TOX: variants seen among roughly 807,000 people sequenced by gnomAD.
TOX encodes thymocyte selection associated high mobility group box.
A neutral mutation model predicts 53.7 loss-of-function variants in TOX; 11 were observed. The ratio of observed to expected loss-of-function variants is 0.20; its 90% confidence interval spans 0.13 to 0.34. The LOEUF (loss-of-function observed/expected upper bound fraction) is 0.34, where lower values mean the gene tolerates loss of function less well. Ranked by LOEUF, TOX falls within the 10% of genes least tolerant of loss-of-function variation. The pLI, the probability that TOX is intolerant of heterozygous loss-of-function variation, is 1.00. For synonymous variants in TOX, 225 were observed against 245.3 expected, an observed-to-expected ratio of 0.92 and a Z score of 0.77; for missense variants, 570 against 664.6, an observed-to-expected ratio of 0.86 and a Z score of 1.56.
chr8:58,833,376 A>G (rs1417567562), intron 5 of TOX, among the ~76,000 whole-genome samples: 1 of 152,188 alleles, frequency 6.6e-6, no homozygotes, highest in Non-Finnish European at 1.5e-5. Flanking sequence ...TTTCTGCTTC[A>G]AAGCGGGACG....
chr8:58,819,713 A>C (rs191686855), intron 6 of TOX, among the ~76,000 whole-genome samples: 9 of 152,348 alleles, frequency 5.9e-5, no homozygotes, highest in Admixed American at 5.9e-4. Context: ...CCATTCTGGG[A>C]TGATATGTGC....
chr8:58,941,056 AT>A (rs1181183992), intron 2 of TOX, among the ~76,000 whole-genome samples: 1 of 152,222 alleles, frequency 6.6e-6, no homozygotes, highest in Non-Finnish European at 1.5e-5. Context: ...TGCTAAAAAA[AT>A]CACCAGCTCT....
At chr8:59,019,798 T>A (rs2129419289) in intron 1 of TOX, among the ~76,000 whole-genome samples, 1 of 152,326 alleles carries the variant, frequency 6.6e-6, no homozygotes, top group East Asian at 1.9e-4. Context: ...TTGGAATCAT[T>A]ACAGATTATC....
At chr8:58,929,905 T>C (rs577104024) in intron 3 of TOX, among the ~76,000 whole-genome samples, 8 of 152,308 alleles carry the variant, frequency 5.3e-5, no homozygotes, top group African/African-American at 1.9e-4. Context: ...ATAGTTTTTC[T>C]CTATAAAAAT....
intron 1 of TOX, among the ~76,000 whole-genome samples, chr8:58,968,700 A>G (rs1812947425): frequency 6.6e-6 from 1 of 152,212 alleles, no homozygotes; most frequent in Admixed American, 6.5e-5. Context: ...ATTTTTCAGT[A>G]TCTGATAGAT....
At chr8:59,078,065 G>A (rs1010076298) in intron 1 of TOX, among the ~76,000 whole-genome samples, 1 of 152,158 alleles carries the variant, frequency 6.6e-6, no homozygotes, top group Admixed American at 6.5e-5. Context: ...GCTACATTAA[G>A]AAAATTATTA....
Position 58,807,787 on chromosome 8 carries a change from T to G in TOX, c.1545-4A>C. The G allele has an allele frequency of 6.2e-7, 1 of 1,614,014 alleles. No individual in the cohort carries two copies. Among genetic ancestry groups the G allele is most frequent in the Non-Finnish European group, 8.5e-7 (1 of 1,179,932 alleles). ...TGCTTTGTCCCTCTGCATGCCCCTG[T>G]AGGAAGAGAAAAAAGACAGTTCCTT... On this transcript the variant is annotated splice_region_variant and splice_polypyrimidine_tract_variant and intron_variant, in intron 8 of 8. Coordinates refer to ENST00000361421, the MANE Select transcript of TOX (RefSeq NM_014729.3).
intron 3 of TOX, among the ~76,000 whole-genome samples, chr8:58,934,299 A>G (rs561012578): frequency 6.6e-6 from 1 of 152,324 alleles, no homozygotes; most frequent in South Asian, 2.1e-4. Context: ...AGAAAATGCA[A>G]AAAAGTGGTG....
chr8:59,063,218 G>A (rs917883791), intron 1 of TOX, among the ~76,000 whole-genome samples: 15 of 152,106 alleles, frequency 9.9e-5, no homozygotes, highest in African/African-American at 3.4e-4. Flanking sequence ...TACCAATACT[G>A]TGCATATGGG....
At chr8:59,053,445 T>C (rs1346706354) in intron 1 of TOX, among the ~76,000 whole-genome samples, 1 of 152,218 alleles carries the variant, frequency 6.6e-6, no homozygotes, top group Non-Finnish European at 1.5e-5. Flanking sequence ...AATATATTGG[T>C]CTGCCTCAAC....
intron 1 of TOX, among the ~76,000 whole-genome samples, chr8:59,041,834 TGAG>T (rs1420247283): frequency 2.0e-5 from 3 of 152,200 alleles, no homozygotes; most frequent in African/African-American, 7.2e-5. Context: ...GTATGTAAAA[TGAG>T]GAGGAGTGAA....
chr8:58,885,349 C>G (rs1427669660), intron 3 of TOX, among the ~76,000 whole-genome samples: 2 of 152,020 alleles, frequency 1.3e-5, no homozygotes, highest in Non-Finnish European at 2.9e-5. Context: ...CAGATTGGAA[C>G]CTATTGCTAC....
chr8:58,977,072 C>G (rs1813114408), intron 1 of TOX, among the ~76,000 whole-genome samples: 2 of 152,218 alleles, frequency 1.3e-5, no homozygotes, highest in Non-Finnish European at 1.5e-5. Flanking sequence ...TCCTCTCTAG[C>G]TCTCAGTCTT....
chr8:59,024,060 T>A (rs1814190711), intron 1 of TOX, among the ~76,000 whole-genome samples: 2 of 152,174 alleles, frequency 1.3e-5, no homozygotes. Flanking sequence ...GAAATAGCTG[T>A]ATATTAATAG....
intron 1 of TOX, among the ~76,000 whole-genome samples, chr8:59,027,076 G>T (rs898072843): frequency 6.6e-6 from 1 of 152,094 alleles, no homozygotes; most frequent in African/African-American, 2.4e-5. Context: ...TTTATTCGTG[G>T]TCTCACCATG....
rs34690974 is a variant in TOX, at chr8:58,994,391, AGTGTGT to A, written c.103-34389_103-34384del. Among the ~76,000 whole-genome samples the A allele has an allele frequency of 1.4e-3, 210 of 147,060 alleles. 1 individual carries two copies. Among genetic ancestry groups the A allele is most frequent in the African/African-American group, 3.2e-3 (128 of 39,848 alleles). On this transcript the variant is annotated intron_variant, in intron 1 of 8. Coordinates refer to ENST00000361421, the MANE Select transcript of TOX (RefSeq NM_014729.3). ...TTAGTTTATAGCTTTCAAAATGCCA[AGTGTGT>A]GTGTGTGTGTGTGTGTGTGTGTGCG...
intron 5 of TOX, among the ~76,000 whole-genome samples, chr8:58,836,799 G>A (rs1225741324): frequency 3.5e-4 from 53 of 152,152 alleles, no homozygotes; most frequent in Admixed American, 3.5e-3. Context: ...CTAGGTACCA[G>A]GCATGTAACT....
chr8:58,808,472 A>T (rs927155111), intron 7 of TOX, among the ~76,000 whole-genome samples: 9 of 152,228 alleles, frequency 5.9e-5, no homozygotes, highest in African/African-American at 9.6e-5. Context: ...CCTTTCCTTC[A>T]TTTAGCCATG....
At chr8:58,840,882 G>A (rs1810632127) in intron 4 of TOX, among the ~76,000 whole-genome samples, 1 of 152,070 alleles carries the variant, frequency 6.6e-6, no homozygotes. Flanking sequence ...CTCACTGTGA[G>A]GGCCCTCTCT....
Sources: allele counts gnomAD v4.1 joint callset (sites outside exome capture counted in the v4.1 genomes callset), GRCh38; gene constraint gnomAD v4.1.1; transcripts MANE v1.5; gene names NCBI Gene and HGNC (gene_info 2026-07-23, HGNC 2026-07-21).